The following TNRC6B variants were observed in gnomAD, a reference collection of about 807,000 sequenced individuals.
TNRC6B encodes trinucleotide repeat-containing gene 6B protein.
In TNRC6B, 52 loss-of-function variants were observed where a neutral mutation model predicts 203.6. The ratio of observed to expected loss-of-function variants is 0.26; its 90% CI spans 0.20 to 0.32. The LOEUF (loss-of-function observed/expected upper bound fraction) is 0.32, where lower values mean the gene tolerates loss of function less well. TNRC6B is among the 10% of genes least tolerant of loss of function. The pLI is 1.00. For missense variants in TNRC6B, 1,923 were observed against 2,286.2 expected (o/e 0.84, Z 3.24); for synonymous variants, 838 against 845.7 (o/e 0.99, Z 0.16).
chr22:40,188,856 TAC>T (rs1299882708), intron 1 of TNRC6B, among the ~76,000 whole-genome samples: 2 of 152,216 alleles, frequency 1.3e-5, no homozygotes, highest in Non-Finnish European at 2.9e-5. Flanking sequence ...TGTAGTCAGA[TAC>T]AGTCTTTTAA....
At chr22:40,122,589 C>T (rs1221780666) in intron 2 of TNRC6B, among the ~76,000 whole-genome samples, 1 of 152,120 alleles carries the variant, frequency 6.6e-6, no homozygotes, top group African/African-American at 2.4e-5. Context: ...TCCAAACTCA[C>T]CATTAAAGTA....
At chr22:40,127,726 T>C (rs2068506380) in intron 3 of TNRC6B, among the ~76,000 whole-genome samples, 1 of 151,946 alleles carries the variant, frequency 6.6e-6, no homozygotes, top group Admixed American at 6.6e-5. Context: ...AAAAATTAGT[T>C]GGGCATGGTG....
At chr22:40,278,772 C>T (rs1238005735) in intron 9 of TNRC6B, among the ~76,000 whole-genome samples, 2 of 152,190 alleles carry the variant, frequency 1.3e-5, no homozygotes, top group Admixed American at 6.5e-5. Flanking sequence ...CGGAGTCTTG[C>T]TCTGTCACCC....
At chr22:40,258,651 T>C (rs2070323488) in intron 3 of TNRC6B, among the ~76,000 whole-genome samples, 2 of 152,200 alleles carry the variant, frequency 1.3e-5, no homozygotes, top group African/African-American at 2.4e-5. Context: ...TTTGAATGAC[T>C]AATCTCCTGG....
At position 40,333,450 on chromosome 22, in the gene TNRC6B, C is replaced by CCAGCAGAT. The variant is rs966300946; in HGVS notation, c.*10211_*10218dup. 1 of 152,648 alleles carries CCAGCAGAT rather than the reference C, an allele frequency of 6.6e-6. No individual in the cohort carries two copies. The highest frequency in any genetic ancestry group is 2.4e-5 in the African/African-American group (1 of 41,434). The allele number at this position is 152,648 out of a possible 1,614,324, so 9.5% of individuals were successfully genotyped here. A position where few individuals can be genotyped will look rare whatever the true frequency, so the allele number is the denominator to read the frequency against. On this transcript the variant is annotated 3_prime_UTR_variant, in exon 23 of 23. Coordinates refer to ENST00000454349, the MANE Select transcript of TNRC6B (RefSeq NM_001162501.2). ...TAAGAAGTGTCTGAATTTCTCTCTT[C>CCAGCAGAT]CAGCAGATCCATCCCCTGCAGGGAC...
chr22:40,211,078 C>T (rs2069555297), intron 1 of TNRC6B, among the ~76,000 whole-genome samples: 1 of 150,832 alleles, frequency 6.6e-6, no homozygotes, highest in Non-Finnish European at 1.5e-5. Context: ...CCTTTTAATA[C>T]TGCTTCCTGA....
At position 40,240,836 on chromosome 22, in the gene TNRC6B, T is replaced by C. The variant is rs567571250; in HGVS notation, c.6-5179T>C. On this transcript the variant is annotated intron_variant, in intron 1 of 22. Coordinates refer to ENST00000454349, the MANE Select transcript of TNRC6B (RefSeq NM_001162501.2). ...GAGGGTTTTTTATTGTTGTTGTTTG[T>C]TTTGGAGACAGGGTCTCACTCTGTT... is the stretch of plus-strand genomic sequence containing the variant. Among the ~76,000 whole-genome samples the C allele has an allele frequency of 1.1e-4, 16 of 152,278 alleles. No homozygotes were observed. The South Asian group carries it at 3.3e-3, about 32-fold the overall frequency.
At chr22:40,304,852 G>A (rs1271357131) in intron 15 of TNRC6B, among the ~76,000 whole-genome samples, 1 of 152,200 alleles carries the variant, frequency 6.6e-6, no homozygotes, top group Non-Finnish European at 1.5e-5. Context: ...AAGAGTAATT[G>A]TATCTATGCT....
intron 1 of TNRC6B, among the ~76,000 whole-genome samples, chr22:40,183,947 G>C (rs917560109): frequency 6.6e-6 from 1 of 151,946 alleles, no homozygotes; most frequent in Non-Finnish European, 1.5e-5. Flanking sequence ...CACCTGCCTC[G>C]GCCTCCCAAA....
intron 3 of TNRC6B, chr22:40,253,451 C>CTTCT (rs1187320153): frequency 3.0e-5 from 13 of 426,516 alleles, no homozygotes; most frequent in Non-Finnish European, 6.0e-5. Context: ...CAAACACACT[C>CTTCT]TTCTTTCCTC....
intron 1 of TNRC6B, among the ~76,000 whole-genome samples, chr22:40,216,195 T>C (rs1034413789): frequency 1.3e-5 from 2 of 152,224 alleles, no homozygotes; most frequent in Admixed American, 6.5e-5. Flanking sequence ...CAGCTTTTTC[T>C]TTCTTGGGCC....
chr22:40,240,888 T>C (rs377001324), intron 1 of TNRC6B, among the ~76,000 whole-genome samples: 128 of 152,276 alleles, frequency 8.4e-4, no homozygotes, highest in Non-Finnish European at 1.6e-3. Context: ...AGTGGCATGA[T>C]TATGACTCAC....
At position 40,267,047 on chromosome 22, in the gene TNRC6B, G is replaced by T. The variant is rs776732752; in HGVS notation, c.2806+11G>T. On this transcript the variant is annotated intron_variant, in intron 5 of 22. Transcript: ENST00000454349. ...GTAAATCGGCATCAGGTAAGCAGTGGCTTTCTCTTGCAGCTTTTGATGAAG... is the reference window on the plus strand; with the variant it reads ...GTAAATCGGCATCAGGTAAGCAGTGTCTTTCTCTTGCAGCTTTTGATGAAG... The T allele has an allele frequency of 6.5e-7, 1 of 1,542,880 alleles. No individual in the cohort carries two copies. Among genetic ancestry groups the T allele is most frequent in the Non-Finnish European group, 8.7e-7 (1 of 1,146,508 alleles).
Position 40,232,957 on chromosome 22 carries a change from C to T in TNRC6B, c.6-13058C>T, listed in dbSNP as rs917661707. The stretch of plus-strand genomic sequence containing the variant: ...ACGAGATCAGGAGATCAAGACCATC[C>T]TGGCCAATGGTGAAACCCTGTCTCT... On this transcript the variant is annotated intron_variant, in intron 1 of 22. Coordinates refer to ENST00000454349, the MANE Select transcript of TNRC6B (RefSeq NM_001162501.2). Among the ~76,000 whole-genome samples, 3 of 152,154 alleles carry T rather than the reference C, an allele frequency of 2.0e-5. No homozygotes were observed. The East Asian group carries it at 5.8e-4, about 29-fold the overall frequency.
At chr22:40,064,741 C>G (rs1439846241) in intron 1 of TNRC6B, among the ~76,000 whole-genome samples, 4 of 151,588 alleles carry the variant, frequency 2.6e-5, no homozygotes, top group African/African-American at 4.9e-5. Context: ...CTCAGCCTCC[C>G]GAGTAGCTGG....
intron 4 of TNRC6B, among the ~76,000 whole-genome samples, chr22:40,263,710 A>T (rs751271560): frequency 2.0e-5 from 3 of 152,232 alleles, no homozygotes; most frequent in Non-Finnish European, 2.9e-5. Context: ...ACCAAAATAT[A>T]TGGTGAGCCA....
At chr22:40,154,088 A>G in intron 3 of TNRC6B, among the ~76,000 whole-genome samples, 1 of 151,952 alleles carries the variant, frequency 6.6e-6, no homozygotes, top group Admixed American at 6.6e-5. Context: ...GGCTCAATTG[A>G]TTCTCCTGCC....
chr22:40,305,863 T>C (rs1417744134), intron 15 of TNRC6B, among the ~76,000 whole-genome samples: 1 of 152,190 alleles, frequency 6.6e-6, no homozygotes, highest in Non-Finnish European at 1.5e-5. Flanking sequence ...TTTCTTTCTC[T>C]CATTCATTTT....
chr22:40,267,194 G>A (rs781403446), intron 5 of TNRC6B, among the ~76,000 whole-genome samples, 158 bp downstream of exon 5: 4 of 152,220 alleles, frequency 2.6e-5, no homozygotes, highest in African/African-American at 9.7e-5. Flanking sequence ...TGAAATGCTA[G>A]TGATGGCAGA....
Sources: allele counts gnomAD v4.1 joint callset (sites outside exome capture counted in the v4.1 genomes callset), GRCh38; gene constraint gnomAD v4.1.1; transcripts MANE v1.5; gene names NCBI Gene and HGNC (gene_info 2026-07-23, HGNC 2026-07-21).